The following TTC28 variants were observed in gnomAD, a reference collection of about 807,000 sequenced individuals.
TTC28 encodes tetratricopeptide repeat domain 28, also known as tetratricopeptide repeat protein 28.
In TTC28, 61 loss-of-function variants were observed where a neutral mutation model predicts 198.0. That is an observed-to-expected ratio of 0.31 (90% CI 0.25 to 0.38). TTC28 has a LOEUF of 0.38. TTC28 is among the 10% of genes least tolerant of loss of function. TTC28 has a pLI of 1.00. For synonymous variants in TTC28, 1,171 were observed against 1,297.8 expected (o/e 0.90, Z 2.10); for missense variants, 2,678 against 3,164.0 (o/e 0.85, Z 3.69).
chr22:28,479,730 C>T (rs2048219164), intron 2 of TTC28, among the ~76,000 whole-genome samples: 1 of 152,040 alleles, frequency 6.6e-6, no homozygotes, highest in South Asian at 2.1e-4. Flanking sequence ...AATAATCTTC[C>T]TTGTTCTCTC....
At chr22:28,297,371 ATT>A (rs372279841) in intron 4 of TTC28, among the ~76,000 whole-genome samples, 6 of 139,688 alleles carry the variant, frequency 4.3e-5, no homozygotes, top group Admixed American at 1.4e-4. Flanking sequence ...ACACCCAGCT[ATT>A]TTTTTTTTTT....
At chr22:28,593,597 G>A (rs1482170705) in intron 2 of TTC28, among the ~76,000 whole-genome samples, 1 of 148,088 alleles carries the variant, frequency 6.8e-6, no homozygotes, top group African/African-American at 2.7e-5. Flanking sequence ...ATACCCGGGA[G>A]GGTACAAAAT....
At chr22:28,087,609 G>A (rs1037501144) in intron 12 of TTC28, among the ~76,000 whole-genome samples, 3 of 152,128 alleles carry the variant, frequency 2.0e-5, no homozygotes, top group Admixed American at 6.6e-5. Flanking sequence ...CACAAGACAG[G>A]GATGCCCTCT....
intron 2 of TTC28, among the ~76,000 whole-genome samples, chr22:28,344,208 C>T (rs1359869079): frequency 6.6e-6 from 1 of 151,256 alleles, no homozygotes; most frequent in African/African-American, 2.4e-5. Context: ...CAAGTTGTGT[C>T]TTGAAGCAGT....
intron 6 of TTC28, among the ~76,000 whole-genome samples, chr22:28,137,968 T>G (rs1943240321): frequency 6.6e-6 from 1 of 151,742 alleles, no homozygotes; most frequent in Non-Finnish European, 1.5e-5. Flanking sequence ...TGAGCCGAGA[T>G]CGCGCCACTG....
intron 2 of TTC28, among the ~76,000 whole-genome samples, chr22:28,541,184 C>T (rs149098548): frequency 3.9e-5 from 6 of 152,258 alleles, no homozygotes; most frequent in East Asian, 1.9e-4. Context: ...AAATGAACAA[C>T]GTATATAAAA....
At position 28,339,685 on chromosome 22, in the gene TTC28, C is replaced by T. The variant is rs534453233; in HGVS notation, c.382-33042G>A. The stretch of plus-strand genomic sequence containing the variant: ...GAGGCTCCATGGGCGCAGGACCCTC[C>T]GAGCCAGGCATGGAATATAATCTCC... On this transcript the variant is annotated intron_variant, in intron 2 of 22. Coordinates refer to ENST00000397906, the MANE Select transcript of TTC28 (RefSeq NM_001145418.2). 3.2e-4 allele frequency among the ~76,000 whole-genome samples: 48 copies of T among 152,298 alleles called. 2 individuals carry two copies. Among genetic ancestry groups the T allele is most frequent in the African/African-American group, 1.1e-3 (44 of 41,566 alleles).
intron 2 of TTC28, among the ~76,000 whole-genome samples, chr22:28,466,992 A>T (rs1448760970): frequency 1.3e-5 from 2 of 152,242 alleles, no homozygotes; most frequent in Non-Finnish European, 2.9e-5. Flanking sequence ...GTGAAGAATT[A>T]GAACCCCCAT....
intron 2 of TTC28, among the ~76,000 whole-genome samples, chr22:28,433,514 G>A (rs2035727425): frequency 6.6e-6 from 1 of 152,100 alleles, no homozygotes; most frequent in Admixed American, 6.5e-5. Flanking sequence ...AAATGTTTTA[G>A]TCTAAGTATT....
chr22:28,651,070 A>G (rs1232251282), intron 1 of TTC28, among the ~76,000 whole-genome samples: 1 of 152,190 alleles, frequency 6.6e-6, no homozygotes, highest in Non-Finnish European at 1.5e-5. Flanking sequence ...CATAGACCAT[A>G]TAGCCCACAA....
At chr22:28,096,912 C>T (rs1379723619) in intron 10 of TTC28, among the ~76,000 whole-genome samples, 2 of 152,004 alleles carry the variant, frequency 1.3e-5, no homozygotes, top group African/African-American at 4.8e-5. Context: ...TCAAGCGATT[C>T]TCCTGCCTCA....
At chr22:28,184,008 C>A (rs191739998) in intron 5 of TTC28, among the ~76,000 whole-genome samples, 236 of 152,282 alleles carry the variant, frequency 1.5e-3, no homozygotes, top group Non-Finnish European at 2.9e-3. Flanking sequence ...ATGGACTTAG[C>A]AACCATAAGG....
intron 6 of TTC28, among the ~76,000 whole-genome samples, chr22:28,126,483 C>T (rs1348963781): frequency 6.6e-6 from 1 of 152,188 alleles, no homozygotes; most frequent in Non-Finnish European, 1.5e-5. Context: ...AAAGACTGTA[C>T]TTCCACAGAA....
chr22:28,011,741 G>A (rs1938174550), intron 14 of TTC28, among the ~76,000 whole-genome samples: 1 of 152,126 alleles, frequency 6.6e-6, no homozygotes, highest in Non-Finnish European at 1.5e-5. Flanking sequence ...AAGGGATCCA[G>A]GAAGGTAAGG....
At chr22:28,603,366 A>G (rs1441741269) in intron 2 of TTC28, among the ~76,000 whole-genome samples, 1 of 151,316 alleles carries the variant, frequency 6.6e-6, no homozygotes, top group Non-Finnish European at 1.5e-5. Flanking sequence ...ATACAGGTCA[A>G]TTTTCTTTCT....
rs969633217 is a variant in TTC28 at position 28,570,473 on chromosome 22, C to T, written c.381+59079G>A. Among the ~76,000 whole-genome samples, 11 of 152,292 alleles carry T rather than the reference C, an allele frequency of 7.2e-5. 2 individuals are homozygous for T. The highest frequency in any genetic ancestry group is 6.5e-4 in the Admixed American group (10 of 15,292). ...CAGAAAACCAAATACCACGTGTTCT[C>T]ATGTATAAGTGGGAGCTAAACACTG... On this transcript the variant is annotated intron_variant, in intron 2 of 22. Transcript: ENST00000397906.
chr22:28,312,365 T>C (rs913447783), intron 2 of TTC28, among the ~76,000 whole-genome samples: 1 of 152,142 alleles, frequency 6.6e-6, no homozygotes, highest in Non-Finnish European at 1.5e-5. Context: ...GCGAACCTAA[T>C]AGACATCTAC....
At chr22:28,080,434 T>C (rs1020751168) in intron 12 of TTC28, among the ~76,000 whole-genome samples, 4 of 152,246 alleles carry the variant, frequency 2.6e-5, no homozygotes, top group African/African-American at 9.6e-5. Context: ...CGCTGATGAT[T>C]AGTAATGCTG....
rs148903775 is a variant in TTC28, at chr22:28,298,263, T to C, written c.530-411A>G. Reference sequence around the variant, plus strand: ...TATCCAAACTTGTGCTGCATTTTAATGGTATTGCACAGTTTGGTCATTAAC... The same window carrying C: ...TATCCAAACTTGTGCTGCATTTTAACGGTATTGCACAGTTTGGTCATTAAC... On this transcript the variant is annotated intron_variant, in intron 3 of 22. Coordinates refer to ENST00000397906, the MANE Select transcript of TTC28 (RefSeq NM_001145418.2). 2.8e-3 allele frequency among the ~76,000 whole-genome samples: 430 copies of C among 152,362 alleles called. 4 individuals are homozygous for C. Among genetic ancestry groups the C allele is most frequent in the African/African-American group, 9.0e-3 (376 of 41,582 alleles).
Sources: gnomAD v4.1 joint callset for allele counts (sites outside exome capture counted in the v4.1 genomes callset) on GRCh38, gnomAD v4.1.1 for gene constraint, MANE v1.5 for transcripts, NCBI Gene and HGNC (gene_info 2026-07-23, HGNC 2026-07-21) for gene names.